MYH7B: variants seen among roughly 807,000 people sequenced by gnomAD.
The protein encoded by MYH7B is myosin-7B.
Under a neutral mutation model 234.5 loss-of-function variants are expected in MYH7B, and 205 were observed. That is an observed-to-expected ratio of 0.87 (90% CI 0.78 to 0.98). MYH7B has a LOEUF of 0.98. Ranked by LOEUF, MYH7B falls within the 50% of genes least tolerant of loss-of-function variation. The probability of loss-of-function intolerance (pLI) is 0.00; values close to 1 mark genes in which losing one functional copy is unlikely to be tolerated. For missense variants in MYH7B, 2,652 were observed against 2,633.4 expected (o/e 1.01, Z -0.15); for synonymous variants, 1,193 against 1,105.0 (o/e 1.08, Z -1.58).
chr20:34,966,790 G>T (rs1436593022), intron 2 of MYH7B, among the ~76,000 whole-genome samples: 1 of 152,166 alleles, frequency 6.6e-6, no homozygotes, highest in African/African-American at 2.4e-5. Context: ...GCTAGGCATG[G>T]TGAGGCACGC....
At chr20:34,957,832 A>G (rs1216790927) in intron 1 of MYH7B, among the ~76,000 whole-genome samples, 4 of 152,174 alleles carry the variant, frequency 2.6e-5, no homozygotes, top group African/African-American at 9.7e-5. Context: ...ATCTGACTAC[A>G]GGACAGGCTG....
rs200585184 is a variant in MYH7B, at chr20:34,986,136, C to T, written c.842C>T (p.Pro281Leu). ...AAGTCGCGGGTGATCTTCCAGTTGC[C>T]TGGTGAGCGCAGCTACCATGTCTAC... The change falls in exon 14 of 45, where the codon CCT becomes CTT. Residue 281 changes from proline to leucine, a missense_variant. This residue lies in a region of MYH7B where 366 missense variants were observed against 401.2 expected (regional missense o/e 0.91). Transcript: ENST00000262873. 2.9e-4 allele frequency: 469 copies of T among 1,596,608 alleles called. No homozygotes were observed. The highest frequency in any genetic ancestry group is 3.8e-4 in the Non-Finnish European group (441 of 1,170,822).
intron 19 of MYH7B, 106 bp downstream of exon 19, chr20:34,988,368 G>A (rs2082072956): frequency 7.8e-7 from 1 of 1,279,922 alleles, no homozygotes; most frequent in South Asian, 1.5e-5. Flanking sequence ...GTGCATGGAA[G>A]CGTGTGACTG....
chr20:34,963,805 C>T (rs962989324), intron 2 of MYH7B, among the ~76,000 whole-genome samples: 2 of 152,066 alleles, frequency 1.3e-5, no homozygotes, highest in Non-Finnish European at 2.9e-5. Flanking sequence ...AGGTGTATTT[C>T]TAAGCAATAT....
rs774562648 is a variant in MYH7B at position 34,998,520 on chromosome 20, G to T, written c.3884G>T (p.Ser1295Ile). ...GCCTCTTTGCCTGCAGGGGAGCTGA[G>T]TCGCCTGCTAGAGGAGAAGGAGTGT... The change falls in exon 34 of 45, where the codon AGT (serine) becomes ATT (isoleucine). Residue 1295 changes from serine to isoleucine, a missense_variant. Transcript: ENST00000262873. The T allele has an allele frequency of 4.3e-6, 7 of 1,613,432 alleles. No individual in the cohort carries two copies. The African/African-American group carries it at 9.3e-5, about 22-fold the overall frequency.
intron 5 of MYH7B, among the ~76,000 whole-genome samples, chr20:34,978,976 G>A (rs949119772): frequency 2.0e-5 from 3 of 152,122 alleles, no homozygotes; most frequent in East Asian, 1.9e-4. Context: ...CTGGGTTTGA[G>A]TCTTCAGTGA....
chr20:34,955,989 G>T (rs764594987), exon 1 of MYH7B: 1 of 152,322 alleles, frequency 6.6e-6, no homozygotes, highest in Non-Finnish European at 1.5e-5. Flanking sequence ...GGACCATCGG[G>T]GTCGGCGGGG....
rs1217858498 is a variant in MYH7B, at chr20:34,988,406, G to A, written c.1587+144G>A. 9 of 949,888 alleles carry A rather than the reference G, an allele frequency of 9.5e-6. No homozygotes were observed. The Admixed American group carries it at 1.7e-4, about 18-fold the overall frequency. 58.8% of individuals were successfully genotyped at this position (949,888 alleles called of 1,614,324 possible). Reference sequence around the variant, plus strand: ...CGTTGCAGTAAGCATGCATGTGAGTGTAGTTGTGACAGCGTTTATGTGCTT... The same window carrying A: ...CGTTGCAGTAAGCATGCATGTGAGTATAGTTGTGACAGCGTTTATGTGCTT... On this transcript the variant is annotated intron_variant, in intron 19 of 44. Transcript: ENST00000262873.
At position 34,990,994 on chromosome 20, in the gene MYH7B, T is replaced by C; in HGVS notation, c.2066-10T>C. The C allele has an allele frequency of 6.2e-7, 1 of 1,606,660 alleles. No homozygotes were observed. The highest frequency in any genetic ancestry group is 8.5e-7 in the Non-Finnish European group (1 of 1,175,052). Reference sequence around the variant, plus strand: ...TGTTGACCTCTGACCTTTTCCCCTCTCACGTCCAGGGGTCATGGATGCCTT... The same window carrying C: ...TGTTGACCTCTGACCTTTTCCCCTCCCACGTCCAGGGGTCATGGATGCCTT... On this transcript the variant is annotated splice_polypyrimidine_tract_variant and intron_variant, in intron 23 of 44. Transcript: ENST00000262873.
intron 32 of MYH7B, 130 bp from the exon 33 acceptor site, chr20:34,998,165 C>G: frequency 9.0e-7 from 1 of 1,112,182 alleles, no homozygotes; most frequent in Non-Finnish European, 1.3e-6. Flanking sequence ...GAACTTGGGG[C>G]TCTGCTCTCC....
chr20:34,999,863 G>C, exon 38 of MYH7B: 1 of 1,612,458 alleles, frequency 6.2e-7, no homozygotes, highest in South Asian at 1.1e-5. Context: ...AGCAGAAGTG[G>C]ACCGGAAGCT....
intron 13 of MYH7B, among the ~76,000 whole-genome samples, chr20:34,985,684 G>T (rs2082007289): frequency 6.6e-6 from 1 of 152,174 alleles, no homozygotes; most frequent in Non-Finnish European, 1.5e-5. Context: ...GGGCTGCATG[G>T]CTAGGTCTTG....
intron 3 of MYH7B, 42 bp from the exon 4 acceptor site, chr20:34,977,590 G>T: frequency 6.4e-7 from 1 of 1,559,374 alleles, no homozygotes; most frequent in Non-Finnish European, 8.7e-7. Flanking sequence ...GCTGTGACAC[G>T]TGGAGATTGC....
intron 25 of MYH7B, 44 bp downstream of exon 25, chr20:34,993,269 C>G: frequency 6.2e-7 from 1 of 1,613,932 alleles, no homozygotes; most frequent in Admixed American, 1.7e-5. Context: ...CTGTGGCGGT[C>G]ACACTGGGCA....
chr20:34,971,305 T>C (rs1283017973), intron 2 of MYH7B, among the ~76,000 whole-genome samples: 3 of 152,154 alleles, frequency 2.0e-5, no homozygotes, highest in Non-Finnish European at 4.4e-5. Context: ...TCCTTTTATG[T>C]GTCTAACTCC....
At position 34,997,381 on chromosome 20, in the gene MYH7B, C is replaced by G. The variant is rs1419896460; in HGVS notation, c.3488C>G (p.Ala1163Gly). Residue 1163 changes from alanine (A) to glycine (G), a missense_variant, in exon 32 of 45, where the codon GCA (alanine) becomes GGA (glycine). Coordinates refer to ENST00000262873, the Ensembl canonical transcript of MYH7B. ...GAGCGGCTGGAGGAGGCAGGCGGCG[C>G]ATCCGCGGGGCAGCGCGAGGGCTGC... 22 of 1,520,418 alleles carry G rather than the reference C, an allele frequency of 1.4e-5. 2 individuals are homozygous for G. Among genetic ancestry groups the G allele is most frequent in the South Asian group, 1.4e-4 (11 of 81,430 alleles). 94.2% of individuals were successfully genotyped at this position (1,520,418 alleles called of 1,614,324 possible).
chr20:34,997,725 T>A, intron 32 of MYH7B, 85 bp downstream of exon 32: 1 of 1,513,158 alleles, frequency 6.6e-7, no homozygotes, highest in Non-Finnish European at 9.0e-7. Context: ...CACACCAGCC[T>A]CCACCCAGTA....
chr20:34,978,204 G>A, intron 5 of MYH7B, 108 bp downstream of exon 5: 1 of 1,341,580 alleles, frequency 7.5e-7, no homozygotes, highest in Non-Finnish European at 1.0e-6. Flanking sequence ...GGGCATTGGG[G>A]CCTGACAGCT....
intron 3 of MYH7B, 111 bp from the exon 4 acceptor site, chr20:34,977,521 C>A: frequency 1.0e-6 from 1 of 962,510 alleles, no homozygotes; most frequent in Non-Finnish European, 1.6e-6. Flanking sequence ...AGCCCAGGGG[C>A]CGTGCTGGTG....
Sources: allele counts gnomAD v4.1 joint callset (sites outside exome capture counted in the v4.1 genomes callset), GRCh38; gene constraint gnomAD v4.1.1; regional missense constraint gnomAD v4.1.1; transcripts MANE v1.5; gene names NCBI Gene and HGNC (gene_info 2026-07-23, HGNC 2026-07-21).